Variants in MGST1 observed in about 807,000 individuals in gnomAD.
MGST1 encodes the protein glutathione S-transferase 12.
In MGST1, 5 loss-of-function variants were observed where a neutral mutation model predicts 8.9. That is an observed-to-expected ratio of 0.56 (90% CI 0.29 to 1.19). MGST1 has a LOEUF of 1.19. Ranked by LOEUF, MGST1 falls within the 50% of genes most tolerant of loss-of-function variation. MGST1 has a pLI of 0.08. For synonymous variants in MGST1, 54 were observed against 67.8 expected (o/e 0.80, Z 1.00); for missense variants, 182 against 187.4 (o/e 0.97, Z 0.17).
chr12:16,370,209 A>C (rs550311362), intron 3 of MGST1: 2 of 152,290 alleles, frequency 1.3e-5, no homozygotes, highest in East Asian at 3.9e-4. Flanking sequence ...CTAAGTAAAA[A>C]ACACAATACA....
At chr12:16,592,294 C>T (rs987051477), downstream of MGST1, among the ~76,000 whole-genome samples, 5 of 151,910 alleles carry the variant, frequency 3.3e-5, no homozygotes, top group Non-Finnish European at 5.9e-5. Flanking sequence ...AGGGTTGCAC[C>T]GTGAAAGAAG....
intron 4 of MGST1, among the ~76,000 whole-genome samples, chr12:16,499,900 G>A (rs1941494512): frequency 6.6e-6 from 1 of 152,028 alleles, no homozygotes; most frequent in African/African-American, 2.4e-5. Context: ...TAGTTTAGTA[G>A]TGCATGTTTT....
At chr12:16,570,015 T>C (rs2137428740) in intron 4 of MGST1, among the ~76,000 whole-genome samples, 1 of 152,276 alleles carries the variant, frequency 6.6e-6, no homozygotes, top group South Asian at 2.1e-4. Flanking sequence ...ATTTTAGATA[T>C]CGTGGGAAAT....
intron 1 of MGST1, among the ~76,000 whole-genome samples, chr12:16,431,435 A>G (rs1482547280): frequency 2.0e-5 from 3 of 151,874 alleles, no homozygotes; most frequent in Non-Finnish European, 4.4e-5. Context: ...ATTTTGACTT[A>G]AAGTGCGAGA....
In MGST1 at chr12:16,533,006, G is replaced by C. The variant is rs75680594; in HGVS notation, n.483-56522G>C. On this transcript the variant is annotated intron_variant and non_coding_transcript_variant, in intron 4 of 4. Coordinates refer to the MGST1 transcript ENST00000538857. ...TCAGGTGAAGCTAAGGAAAACATGT[G>C]AGCATAGCTTGGGACCTTTCGCCTT... is the stretch of plus-strand genomic sequence containing the variant. Among the ~76,000 whole-genome samples, 111 of 152,226 alleles carry C rather than the reference G, an allele frequency of 7.3e-4. 1 individual carries two copies. In the East Asian group the frequency reaches 0.021, roughly 29 times the overall value.
intron 1 of MGST1, among the ~76,000 whole-genome samples, chr12:16,395,811 A>ATATG (rs1247749625): frequency 7.1e-6 from 1 of 141,480 alleles, no homozygotes; most frequent in African/African-American, 3.0e-5. Flanking sequence ...ATATACACAC[A>ATATG]CACACACACA....
chr12:16,516,711 CT>C (rs1470612173), intron 4 of MGST1, among the ~76,000 whole-genome samples: 2 of 151,952 alleles, frequency 1.3e-5, no homozygotes, highest in South Asian at 4.1e-4. Flanking sequence ...GAGGGCATTG[CT>C]TTTTTTAAAG....
chr12:16,481,170 A>C (rs951551136), intron 4 of MGST1, among the ~76,000 whole-genome samples: 13 of 152,182 alleles, frequency 8.5e-5, no homozygotes, highest in African/African-American at 3.1e-4. Context: ...ACTGAGAATT[A>C]ATAATAACAT....
At chr12:16,534,526 G>A (rs1941742815) in intron 4 of MGST1, among the ~76,000 whole-genome samples, 1 of 152,074 alleles carries the variant, frequency 6.6e-6, no homozygotes, top group Non-Finnish European at 1.5e-5. Context: ...GAAACACGGG[G>A]CTAAATGTTC....
chr12:16,414,395 ATT>A (rs66730103), intron 1 of MGST1, among the ~76,000 whole-genome samples: 1,168 of 94,684 alleles, frequency 0.012, 20 homozygotes, highest in African/African-American at 0.043. Context: ...AGGTGTTTTT[ATT>A]TTTTTTTTTA....
intron 4 of MGST1, among the ~76,000 whole-genome samples, chr12:16,570,471 AGAAAAT>A (rs1041157577): frequency 6.6e-6 from 1 of 151,868 alleles, no homozygotes; most frequent in African/African-American, 2.4e-5. Context: ...AGAAAAATAA[AGAAAAT>A]GAAAAGAAGC....
Position 16,435,954 on chromosome 12 carries a change from G to A in MGST1, n.779-1434G>A, listed in dbSNP as rs553634670. Among the ~76,000 whole-genome samples, 135 of 150,602 alleles carry A rather than the reference G, an allele frequency of 9.0e-4. 1 individual carries two copies. Among genetic ancestry groups the A allele is most frequent in the African/African-American group, 3.2e-3 (131 of 41,008 alleles). ...AAAATTGAAAATATAGAGTCTGTAT[G>A]ATATCTTTTAAAGAAGTTATTTCCA... is the stretch of plus-strand genomic sequence containing the variant. On this transcript the variant is annotated intron_variant and non_coding_transcript_variant, in intron 1 of 1. Coordinates refer to the MGST1 transcript ENST00000359720.
intron 4 of MGST1, among the ~76,000 whole-genome samples, chr12:16,462,135 C>G (rs1941225648): frequency 6.6e-6 from 1 of 152,122 alleles, no homozygotes; most frequent in South Asian, 2.1e-4. Flanking sequence ...GATACTACTT[C>G]ATTATTAAAA....
At chr12:16,475,007 C>T (rs1022285483) in intron 4 of MGST1, among the ~76,000 whole-genome samples, 1 of 152,154 alleles carries the variant, frequency 6.6e-6, no homozygotes, top group Non-Finnish European at 1.5e-5. Flanking sequence ...TGTGAACAGG[C>T]ATCTCAGGGA....
intron 3 of MGST1, among the ~76,000 whole-genome samples, chr12:16,358,657 T>C (rs975246451): frequency 1.3e-4 from 20 of 151,844 alleles, no homozygotes; most frequent in African/African-American, 4.8e-4. Context: ...CAGTAGAGGC[T>C]GGGTTTCACC....
intron 4 of MGST1, among the ~76,000 whole-genome samples, chr12:16,495,682 C>T (rs1003350918): frequency 3.3e-5 from 5 of 151,090 alleles, no homozygotes; most frequent in African/African-American, 1.2e-4. Flanking sequence ...CTCAGGGTCA[C>T]ATTTTTTTTT....
chr12:16,538,339 G>A (rs905488630), intron 4 of MGST1, among the ~76,000 whole-genome samples: 32 of 152,042 alleles, frequency 2.1e-4, no homozygotes, highest in African/African-American at 7.7e-4. Flanking sequence ...GTCTCTAGGA[G>A]GCTCTAAACT....
intron 4 of MGST1, among the ~76,000 whole-genome samples, chr12:16,538,798 C>T (rs558372606): frequency 2.3e-4 from 35 of 151,958 alleles, no homozygotes; most frequent in South Asian, 1.5e-3. Flanking sequence ...TTAGTAGAGA[C>T]GGGGTTTCAC....
At chr12:16,573,527 G>T (rs1167725063) in intron 4 of MGST1, 1 of 152,154 alleles carries the variant, frequency 6.6e-6, no homozygotes, top group Admixed American at 6.5e-5. Flanking sequence ...AAAAAAACCT[G>T]TCAGCTGCAA....
Sources: gnomAD v4.1 joint callset for allele counts (sites outside exome capture counted in the v4.1 genomes callset) on GRCh38, gnomAD v4.1.1 for gene constraint, MANE v1.5 for transcripts, NCBI Gene and HGNC (gene_info 2026-07-23, HGNC 2026-07-21) for gene names.